KPNA3: variants seen among roughly 807,000 people sequenced by gnomAD.
KPNA3 encodes importin subunit alpha-4.
A neutral mutation model predicts 73.8 loss-of-function variants in KPNA3; 13 were observed. The ratio of observed to expected loss-of-function variants is 0.18; its 90% confidence interval spans 0.11 to 0.28. The LOEUF is 0.28. Among genes scored for constraint, KPNA3 ranks in the 10% least tolerant of loss-of-function variants. The probability of loss-of-function intolerance (pLI) is 1.00; values close to 1 mark genes in which losing one functional copy is unlikely to be tolerated. For synonymous variants in KPNA3, 186 were observed against 206.9 expected (o/e 0.90, Z 0.87); for missense variants, 360 against 618.1 (o/e 0.58, Z 4.43).
chr13:49,748,304 CA>C (rs1954635382), intron 1 of KPNA3, among the ~76,000 whole-genome samples: 2 of 151,424 alleles, frequency 1.3e-5, no homozygotes, highest in Non-Finnish European at 1.5e-5. Context: ...TGTTTTGTAT[CA>C]AAAGGTAAGG....
At chr13:49,721,268 C>G (rs1954354583) in intron 9 of KPNA3, among the ~76,000 whole-genome samples, 1 of 152,104 alleles carries the variant, frequency 6.6e-6, no homozygotes, top group Admixed American at 6.6e-5. Flanking sequence ...CAAACTCATT[C>G]AAGAACATTT....
At chr13:49,739,527 G>A (rs1954554180) in intron 2 of KPNA3, among the ~76,000 whole-genome samples, 1 of 152,212 alleles carries the variant, frequency 6.6e-6, no homozygotes, top group Non-Finnish European at 1.5e-5. Context: ...TGGGAAGAAA[G>A]AGAGCAAGGA....
rs185133695 is a variant in KPNA3 at position 49,733,144 on chromosome 13, A to G, written c.115-98T>C. ...CAACTTTATTAGGCAATTATGAAAC[A>G]AATACTGAACACATAAGGATAATAT... On this transcript the variant is annotated intron_variant, in intron 2 of 16. Transcript: ENST00000261667. 6.5e-6 allele frequency: 5 copies of G among 764,824 alleles called. No homozygotes were observed. In the East Asian group the frequency reaches 9.8e-5, roughly 15 times the overall value. The allele number at this position is 764,824 out of a possible 1,614,324, so 47.4% of individuals were successfully genotyped here.
intron 1 of KPNA3, among the ~76,000 whole-genome samples, chr13:49,786,108 TAGG>T (rs1290944089): frequency 6.6e-6 from 1 of 152,216 alleles, no homozygotes; most frequent in Non-Finnish European, 1.5e-5. Flanking sequence ...AAATACATTA[TAGG>T]AGAACAGGCT....
chr13:49,702,134 A>G (rs1436097269), intron 16 of KPNA3, among the ~76,000 whole-genome samples: 1 of 152,192 alleles, frequency 6.6e-6, no homozygotes, highest in African/African-American at 2.4e-5. Flanking sequence ...AACCTATCTG[A>G]ACATATATCA....
In KPNA3 at chr13:49,725,512, AC is replaced by A. The variant is rs3215711; in HGVS notation, c.384-12del. ...AACTGTAATGAAGGACTGTAAAAAA[AC>A]AATAACACATCTTTTTAGACACATA... On this transcript the variant is annotated splice_polypyrimidine_tract_variant and intron_variant, in intron 6 of 16. Transcript: ENST00000261667. The A allele has an allele frequency of 0.31, 486,666 of 1,552,618 alleles. 76,816 individuals carry two copies. The highest frequency in any genetic ancestry group is 0.34 in the Admixed American group (20,054 of 59,046).
intron 1 of KPNA3, among the ~76,000 whole-genome samples, chr13:49,789,152 C>T (rs1221222868): frequency 6.6e-6 from 1 of 152,122 alleles, no homozygotes; most frequent in African/African-American, 2.4e-5. Flanking sequence ...GAATAAATTC[C>T]TTCACATCTC....
chr13:49,766,632 A>G (rs1265596834), intron 1 of KPNA3, among the ~76,000 whole-genome samples: 1 of 152,198 alleles, frequency 6.6e-6, no homozygotes. Flanking sequence ...TCTCTGGAAG[A>G]CAAGCATTAT....
intron 10 of KPNA3, among the ~76,000 whole-genome samples, chr13:49,717,177 AAAAC>A (rs1256407447): frequency 4.6e-5 from 7 of 152,324 alleles, no homozygotes; most frequent in Admixed American, 6.5e-5. Flanking sequence ...TTATCTGTAT[AAAAC>A]AAATATCATT....
chr13:49,786,958 G>C (rs1954987575), intron 1 of KPNA3, among the ~76,000 whole-genome samples: 1 of 152,176 alleles, frequency 6.6e-6, no homozygotes, highest in African/African-American at 2.4e-5. Flanking sequence ...GTCTAAACTA[G>C]GGGCAGAGGA....
chr13:49,724,591 G>A (rs1025858283), intron 7 of KPNA3, among the ~76,000 whole-genome samples: 1 of 152,030 alleles, frequency 6.6e-6, no homozygotes, highest in Non-Finnish European at 1.5e-5. Flanking sequence ...ACAGGCTTGA[G>A]CCACTGCACC....
intron 15 of KPNA3, 78 bp downstream of exon 15, chr13:49,705,543 C>A: frequency 7.2e-7 from 1 of 1,394,622 alleles, no homozygotes; most frequent in Non-Finnish European, 9.9e-7. Context: ...AATTTTCTGT[C>A]TAGTAAGTTG....
chr13:49,732,546 T>C, intron 5 of KPNA3, 59 bp downstream of exon 5: 1 of 1,455,242 alleles, frequency 6.9e-7, no homozygotes, highest in Non-Finnish European at 9.6e-7. Context: ...ACTTCTAGAC[T>C]ACCAGGTAAC....
intron 1 of KPNA3, among the ~76,000 whole-genome samples, chr13:49,771,845 G>A (rs948233435): frequency 1.3e-5 from 2 of 152,012 alleles, no homozygotes; most frequent in Admixed American, 6.6e-5. Flanking sequence ...TTGTAGTGAC[G>A]GGATCTAGCC....
chr13:49,743,944 G>T lies in KPNA3; in HGVS notation c.114+3005C>A, dbSNP rs796431594. Among the ~76,000 whole-genome samples, 29 of 152,236 alleles carry T rather than the reference G, an allele frequency of 1.9e-4. 1 individual carries two copies. The highest frequency in any genetic ancestry group is 5.3e-4 in the African/African-American group (22 of 41,556). The stretch of plus-strand genomic sequence containing the variant: ...TTTTACTTCTATTGCATCTATTAAA[G>T]AAAGTAATCTTCATTTGGTGAATGA... On this transcript the variant is annotated intron_variant, in intron 2 of 16. Coordinates refer to ENST00000261667, the MANE Select transcript of KPNA3 (RefSeq NM_002267.4).
intron 2 of KPNA3, among the ~76,000 whole-genome samples, chr13:49,744,303 C>T (rs890697513): frequency 1.3e-5 from 2 of 152,158 alleles, no homozygotes; most frequent in Non-Finnish European, 2.9e-5. Context: ...TTTCTCTGGT[C>T]TAAATGACCC....
intron 2 of KPNA3, 140 bp downstream of exon 2, chr13:49,746,809 G>A (rs1954620997): frequency 1.6e-6 from 1 of 628,462 alleles, no homozygotes; most frequent in Non-Finnish European, 2.8e-6. Context: ...TTATGAATAA[G>A]TACCATGATA....
chr13:49,712,043 ACCAGC>A (rs1954264478), intron 10 of KPNA3, among the ~76,000 whole-genome samples: 4 of 152,094 alleles, frequency 2.6e-5, no homozygotes, highest in Non-Finnish European at 4.4e-5. Context: ...GAGCCCACCT[ACCAGC>A]CCATTTCCCA....
At chr13:49,780,306 G>T (rs1954930875) in intron 1 of KPNA3, among the ~76,000 whole-genome samples, 1 of 152,058 alleles carries the variant, frequency 6.6e-6, no homozygotes, top group Non-Finnish European at 1.5e-5. Flanking sequence ...AAGCAGAATG[G>T]CCCTCAAAGC....
Sources: gnomAD v4.1 joint callset for allele counts (sites outside exome capture counted in the v4.1 genomes callset) on GRCh38, gnomAD v4.1.1 for gene constraint, MANE v1.5 for transcripts, NCBI Gene and HGNC (gene_info 2026-07-23, HGNC 2026-07-21) for gene names.